Variants in CEP170 observed in about 807,000 individuals in gnomAD.
CEP170 encodes the protein centrosomal protein of 170 kDa.
Under a neutral mutation model 151.9 loss-of-function variants are expected in CEP170, and 21 were observed. The ratio of observed to expected loss-of-function variants is 0.14; its 90% CI spans 0.10 to 0.20. The LOEUF (loss-of-function observed/expected upper bound fraction) is 0.20, where lower values mean the gene tolerates loss of function less well. Ranked by LOEUF, CEP170 falls within the 10% of genes least tolerant of loss-of-function variation. The probability of loss-of-function intolerance (pLI) is 1.00; values close to 1 mark genes in which losing one functional copy is unlikely to be tolerated. For missense variants in CEP170, 964 were observed against 1,892.9 expected (o/e 0.51, Z 9.11); for synonymous variants, 356 against 648.8 (o/e 0.55, Z 6.86).
rs1243363329 is a variant in CEP170 at position 243,126,403 on chromosome 1, T to G, written c.*46A>C. 7 of 1,553,828 alleles carry G rather than the reference T, an allele frequency of 4.5e-6. No homozygotes were observed. Among genetic ancestry groups the G allele is most frequent in the Non-Finnish European group, 6.1e-6 (7 of 1,144,210 alleles). ...ATCAACACTATGCTGCTTCCAATAT[T>G]CCTAGCCATTCCACAGGTAATGATT... On this transcript the variant is annotated 3_prime_UTR_variant, in exon 20 of 20. Coordinates refer to ENST00000366542, the MANE Select transcript of CEP170 (RefSeq NM_014812.3).
chr1:243,248,915 C>T (rs2065671243), intron 1 of CEP170, among the ~76,000 whole-genome samples: 1 of 152,128 alleles, frequency 6.6e-6, no homozygotes, highest in African/African-American at 2.4e-5. Context: ...CCCATTCCTG[C>T]CTCAGAACCA....
intron 1 of CEP170, among the ~76,000 whole-genome samples, chr1:243,240,131 T>C (rs1412444821): frequency 6.6e-6 from 1 of 152,162 alleles, no homozygotes; most frequent in Non-Finnish European, 1.5e-5. Flanking sequence ...GCCAACATGG[T>C]GAAACCCTGT....
At chr1:243,184,555 G>A (rs1159287452) in intron 10 of CEP170, among the ~76,000 whole-genome samples, 2 of 151,944 alleles carry the variant, frequency 1.3e-5, no homozygotes, top group Non-Finnish European at 2.9e-5. Flanking sequence ...GCAGCTCAGT[G>A]GTAAACCTGA....
chr1:243,169,479 C>A, intron 12 of CEP170, 149 bp downstream of exon 12: 2 of 1,467,826 alleles, frequency 1.4e-6, no homozygotes, highest in Non-Finnish European at 1.8e-6. Flanking sequence ...TTAGGTTTAA[C>A]TTACTTCTTA....
chr1:243,233,736 A>AAG (rs2063985152), intron 1 of CEP170, among the ~76,000 whole-genome samples: 1 of 122,396 alleles, frequency 8.2e-6, no homozygotes, highest in Non-Finnish European at 1.8e-5. Flanking sequence ...CCATCTCAAA[A>AAG]AAAAAATATA....
At chr1:243,218,025 T>A (rs906384578) in intron 3 of CEP170, among the ~76,000 whole-genome samples, 1 of 152,230 alleles carries the variant, frequency 6.6e-6, no homozygotes, top group African/African-American at 2.4e-5. Flanking sequence ...AATACCTATT[T>A]AATTTACATA....
At chr1:243,179,417 C>T (rs1426447983) in intron 10 of CEP170, among the ~76,000 whole-genome samples, 2 of 152,162 alleles carry the variant, frequency 1.3e-5, no homozygotes, top group African/African-American at 4.8e-5. Context: ...CTATTTATCA[C>T]AGCATCTCCC....
At chr1:243,200,362 T>C (rs1314200396) in intron 6 of CEP170, among the ~76,000 whole-genome samples, 156 bp downstream of exon 6, 1 of 152,156 alleles carries the variant, frequency 6.6e-6, no homozygotes, top group Non-Finnish European at 1.5e-5. Context: ...TTTTATAATG[T>C]TTCCTAATGA....
chr1:243,203,697 CAT>C (rs1357057966), intron 4 of CEP170, among the ~76,000 whole-genome samples: 1 of 151,860 alleles, frequency 6.6e-6, no homozygotes, highest in Non-Finnish European at 1.5e-5. Flanking sequence ...TTTAAAAAAA[CAT>C]ATAATAAGGC....
chr1:243,208,993 T>G (rs2061597027), intron 4 of CEP170, among the ~76,000 whole-genome samples: 1 of 152,102 alleles, frequency 6.6e-6, no homozygotes, highest in Admixed American at 6.5e-5. Context: ...TTTTTGAAGT[T>G]TTTCTTGATT....
At chr1:243,235,778 A>G (rs1388541380) in intron 1 of CEP170, among the ~76,000 whole-genome samples, 3 of 152,184 alleles carry the variant, frequency 2.0e-5, no homozygotes, top group African/African-American at 7.2e-5. Context: ...TTTTTAACAG[A>G]AGATTTAGAT....
chr1:243,193,317 A>T (rs2060432675), intron 7 of CEP170, among the ~76,000 whole-genome samples: 6 of 152,034 alleles, frequency 3.9e-5, no homozygotes. Context: ...TCAAGTCCAT[A>T]CAGTACAACT....
chr1:243,197,556 C>T (rs562627089), intron 7 of CEP170, among the ~76,000 whole-genome samples: 5 of 151,976 alleles, frequency 3.3e-5, no homozygotes, highest in South Asian at 2.1e-4. Context: ...GAAGGTCTTC[C>T]GGAAGTAACG....
chr1:243,189,883 A>G lies in CEP170; in HGVS notation c.1108+1135T>C, dbSNP rs186829527. Among the ~76,000 whole-genome samples, 579 of 152,342 alleles carry G rather than the reference A, an allele frequency of 3.8e-3. 2 individuals are homozygous for G. Among genetic ancestry groups the G allele is most frequent in the Non-Finnish European group, 6.3e-3 (426 of 68,036 alleles). On this transcript the variant is annotated intron_variant, in intron 8 of 19. Coordinates refer to ENST00000366542, the MANE Select transcript of CEP170 (RefSeq NM_014812.3). ...TGTCTAGAAGTAAAATGTCACAATC[A>G]TGTCTCAAAAATACATATGCCAGGT...
At chr1:243,127,043 G>A (rs1376881664) in intron 19 of CEP170, among the ~76,000 whole-genome samples, 1 of 152,156 alleles carries the variant, frequency 6.6e-6, no homozygotes, top group Non-Finnish European at 1.5e-5. Flanking sequence ...TCATTATTGT[G>A]AGAGGACCGA....
chr1:243,219,262 G>A (rs2062582064), intron 3 of CEP170, among the ~76,000 whole-genome samples: 1 of 152,212 alleles, frequency 6.6e-6, no homozygotes, highest in South Asian at 2.1e-4. Context: ...GCTGAAGCAA[G>A]ATTCTGCATT....
intron 1 of CEP170, among the ~76,000 whole-genome samples, chr1:243,251,166 C>T (rs1044385440): frequency 2.6e-5 from 4 of 152,144 alleles, no homozygotes; most frequent in Admixed American, 2.0e-4. Context: ...TGAGATCTTC[C>T]TATTACACTT....
chr1:243,185,742 C>T lies in CEP170; in HGVS notation c.1566+37G>A. The T allele has an allele frequency of 5.2e-6, 8 of 1,548,972 alleles. No individual in the cohort carries two copies. The highest frequency in any genetic ancestry group is 7.0e-6 in the Non-Finnish European group (8 of 1,149,694). On this transcript the variant is annotated intron_variant, in intron 10 of 19. Coordinates refer to ENST00000366542, the MANE Select transcript of CEP170 (RefSeq NM_014812.3). This position sits in a 1 kb window ranked among gnomAD's most constrained non-coding sequence, Gnocchi z 4.9. Reference sequence around the variant, plus strand: ...ATTTCCACCAGTCAAATACACCACACAACAACTAAGATCACACTCAAATTT... The same window carrying T: ...ATTTCCACCAGTCAAATACACCACATAACAACTAAGATCACACTCAAATTT...
At chr1:243,177,019 G>T (rs376445332) in intron 10 of CEP170, among the ~76,000 whole-genome samples, 1 of 152,194 alleles carries the variant, frequency 6.6e-6, no homozygotes, top group African/African-American at 2.4e-5. Flanking sequence ...TTATTGAAAA[G>T]CTCAGTCTGT....
Sources: allele counts gnomAD v4.1 joint callset (sites outside exome capture counted in the v4.1 genomes callset), GRCh38; gene constraint gnomAD v4.1.1; non-coding constraint Gnocchi (gnomAD v3.1); transcripts MANE v1.5; gene names NCBI Gene and HGNC (gene_info 2026-07-23, HGNC 2026-07-21).